Variants in CSMD1 observed in about 807,000 individuals in gnomAD.
CSMD1 encodes the protein CUB and sushi domain-containing protein 1.
Under a neutral mutation model 417.5 loss-of-function variants are expected in CSMD1, and 213 were observed. That is an observed-to-expected ratio of 0.51 (90% confidence interval 0.46 to 0.57). The LOEUF (loss-of-function observed/expected upper bound fraction) is 0.57. CSMD1 is among the 20% of genes least tolerant of loss of function. The pLI, the probability that CSMD1 is intolerant of heterozygous loss-of-function variation, is 0.00. For synonymous variants in CSMD1, 2,862 were observed against 1,736.8 expected (o/e 1.65, Z -16.11); for missense variants, 6,923 against 4,529.7 (o/e 1.53, Z -15.17).
At chr8:4,956,253 TTTTAA>T (rs1809102897) in intron 1 of CSMD1, among the ~76,000 whole-genome samples, 1 of 151,954 alleles carries the variant, frequency 6.6e-6, no homozygotes, top group Non-Finnish European at 1.5e-5. Flanking sequence ...CGCTATTTTT[TTTTAA>T]TTTAAAGTGA....
intron 54 of CSMD1, among the ~76,000 whole-genome samples, chr8:2,979,362 G>A (rs894478988): frequency 1.3e-5 from 2 of 152,228 alleles, no homozygotes; most frequent in African/African-American, 4.8e-5. Flanking sequence ...TCTCCTTTTA[G>A]AAACAGGTCC....
intron 2 of CSMD1, among the ~76,000 whole-genome samples, chr8:4,435,518 C>T (rs934531146): frequency 6.6e-6 from 1 of 152,130 alleles, no homozygotes; most frequent in Non-Finnish European, 1.5e-5. Flanking sequence ...AAACTGAAAC[C>T]TTAACTGCCT....
At chr8:4,395,054 T>C (rs1458927799) in intron 3 of CSMD1, among the ~76,000 whole-genome samples, 1 of 152,188 alleles carries the variant, frequency 6.6e-6, no homozygotes, top group African/African-American at 2.4e-5. Flanking sequence ...TTTCCCGTGC[T>C]GGACAGCTCC....
intron 1 of CSMD1, among the ~76,000 whole-genome samples, chr8:4,905,761 A>T (rs772867481): frequency 6.9e-6 from 1 of 144,130 alleles, no homozygotes; most frequent in African/African-American, 2.5e-5. Flanking sequence ...CGGAGCTTGC[A>T]GTGAGCCGAG....
intron 1 of CSMD1, among the ~76,000 whole-genome samples, chr8:4,759,455 G>T (rs1172050885): frequency 1.3e-5 from 2 of 152,194 alleles, no homozygotes; most frequent in Non-Finnish European, 2.9e-5. Context: ...GTGCAGATTT[G>T]TTACACAGGT....
At chr8:3,891,681 T>C (rs1776202856) in intron 5 of CSMD1, among the ~76,000 whole-genome samples, 1 of 104,252 alleles carries the variant, frequency 9.6e-6, no homozygotes, top group South Asian at 3.5e-4. Flanking sequence ...AGACCTTGTC[T>C]CAAAACGAAA....
rs574982388 is a variant in CSMD1 at position 4,044,363 on chromosome 8, T to G, written c.416-12264A>C. 3.9e-5 allele frequency among the ~76,000 whole-genome samples: 6 copies of G among 152,330 alleles called. 1 individual carries two copies. Among genetic ancestry groups the G allele is most frequent in the Admixed American group, 3.9e-4 (6 of 15,302 alleles). On this transcript the variant is annotated intron_variant, in intron 3 of 69. Transcript: ENST00000635120. The stretch of plus-strand genomic sequence containing the variant: ...TGCAATTCTGTTTAGTATTTACTGA[T>G]AAGAACCTTGTCTTAATAAGCTAAA...
chr8:3,241,120 G>T (rs1301525327), intron 26 of CSMD1, among the ~76,000 whole-genome samples: 2 of 151,528 alleles, frequency 1.3e-5, no homozygotes, highest in Admixed American at 6.6e-5. Flanking sequence ...AAGAAGGGCG[G>T]CAATGAGATG....
chr8:4,489,121 AG>A (rs1361767955), intron 2 of CSMD1, among the ~76,000 whole-genome samples: 2 of 152,140 alleles, frequency 1.3e-5, no homozygotes. Flanking sequence ...CATGTCGGCC[AG>A]GCTGGTCTCA....
rs1801732002 is a variant in CSMD1 at position 4,361,079 on chromosome 8, T to G, written c.415+58874A>C. ...GATTTTTCGTGCCCAACAGATGTTT[T>G]GTCAGTTCTCATGCTACACACTGTG... On this transcript the variant is annotated intron_variant, in intron 3 of 69. Transcript: ENST00000635120. Among the ~76,000 whole-genome samples, 3 of 152,208 alleles carry G rather than the reference T, an allele frequency of 2.0e-5. No homozygotes were observed. In the South Asian group the frequency reaches 6.2e-4, roughly 32 times the overall value.
chr8:4,231,812 G>A (rs189247628), intron 3 of CSMD1, among the ~76,000 whole-genome samples: 51 of 152,278 alleles, frequency 3.3e-4, no homozygotes, highest in South Asian at 4.1e-4. Flanking sequence ...TAACAAAACT[G>A]CCAGTATAGG....
chr8:3,902,800 T>C (rs1807844339), intron 5 of CSMD1, among the ~76,000 whole-genome samples: 2 of 152,144 alleles, frequency 1.3e-5, no homozygotes, highest in African/African-American at 2.4e-5. Context: ...CAACATTTTA[T>C]GAGAATTAAA....
At chr8:4,335,518 C>A (rs564592328) in intron 3 of CSMD1, among the ~76,000 whole-genome samples, 2 of 152,194 alleles carry the variant, frequency 1.3e-5, no homozygotes, top group South Asian at 4.1e-4. Flanking sequence ...CATCACCTGC[C>A]ATGTAAGAAC....
intron 2 of CSMD1, among the ~76,000 whole-genome samples, chr8:4,627,469 C>A (rs907454154): frequency 6.6e-6 from 1 of 152,134 alleles, no homozygotes. Context: ...AGTAAATTAA[C>A]AATTTTACTG....
At chr8:3,326,549 C>A (rs984051982) in intron 23 of CSMD1, among the ~76,000 whole-genome samples, 1 of 152,190 alleles carries the variant, frequency 6.6e-6, no homozygotes, top group African/African-American at 2.4e-5. Flanking sequence ...ACAGTTGTTA[C>A]ACATTTGTTT....
chr8:4,783,929 C>T (rs1426471029), intron 1 of CSMD1, among the ~76,000 whole-genome samples: 1 of 152,130 alleles, frequency 6.6e-6, no homozygotes, highest in African/African-American at 2.4e-5. Context: ...TAAAAGTTGG[C>T]TCAATATAGA....
At chr8:4,134,469 C>G (rs996176210) in intron 3 of CSMD1, among the ~76,000 whole-genome samples, 1 of 152,122 alleles carries the variant, frequency 6.6e-6, no homozygotes, top group Non-Finnish European at 1.5e-5. Context: ...GAGGAGATAC[C>G]AAACCTGCTA....
intron 49 of CSMD1, among the ~76,000 whole-genome samples, chr8:3,069,990 C>T (rs963034402): frequency 2.0e-5 from 3 of 152,228 alleles, no homozygotes; most frequent in Non-Finnish European, 2.9e-5. Context: ...AGGTGTATGG[C>T]TTGCACCCTT....
At position 4,528,125 on chromosome 8, in the gene CSMD1, T is replaced by A. The variant is rs1451505005; in HGVS notation, c.303-108060A>T. Among the ~76,000 whole-genome samples the A allele has an allele frequency of 2.0e-5, 3 of 152,328 alleles. No individual in the cohort carries two copies. The South Asian group carries it at 6.2e-4, about 32-fold the overall frequency. On this transcript the variant is annotated intron_variant, in intron 2 of 69. Coordinates refer to ENST00000635120, the MANE Select transcript of CSMD1 (RefSeq NM_033225.6). ...TTTTGTGTTCTGGTTCTGACTTTCA[T>A]CCTTTTAAGGACTATTTCTAAATAC... is the stretch of plus-strand genomic sequence containing the variant.
Sources: gnomAD v4.1 joint callset for allele counts (sites outside exome capture counted in the v4.1 genomes callset) on GRCh38, gnomAD v4.1.1 for gene constraint, MANE v1.5 for transcripts, NCBI Gene and HGNC (gene_info 2026-07-23, HGNC 2026-07-21) for gene names.